Variants in ATP5PO observed in about 807,000 individuals in gnomAD.
ATP5PO encodes ATP synthase peripheral stalk subunit OSCP, also known as ATP synthase peripheral stalk subunit OSCP, mitochondrial.
ATP5PO carries 14 observed loss-of-function variants against 26.2 expected under a neutral mutation model. The observed-to-expected ratio is 0.53, with a 90% CI of 0.35 to 0.83. The LOEUF is 0.83. ATP5PO is among the 40% of genes least tolerant of loss of function. ATP5PO has a pLI of 0.01. For missense variants in ATP5PO, 241 were observed against 258.5 expected (o/e 0.93, Z 0.46); for synonymous variants, 106 against 95.1 (o/e 1.12, Z -0.67).
At chr21:33,905,648 C>G (rs1409881807) in intron 5 of ATP5PO, among the ~76,000 whole-genome samples, 1 of 152,146 alleles carries the variant, frequency 6.6e-6, no homozygotes, top group Non-Finnish European at 1.5e-5. Context: ...CACGGTGGCT[C>G]ACACCTGTGG....
chr21:33,909,225 A>T lies in ATP5PO; in HGVS notation c.199-14T>A. 2 of 1,605,072 alleles carry T rather than the reference A, an allele frequency of 1.2e-6. No individual in the cohort carries two copies. The highest frequency in any genetic ancestry group is 1.3e-5 in the African/African-American group (1 of 74,232). On this transcript the variant is annotated splice_polypyrimidine_tract_variant and intron_variant, in intron 3 of 6. Transcript: ENST00000290299. ...CTTCAGGATTTGCTGAAAGCATCAA[A>T]AAATAATTTCTTAAATTTTTTAGAG...
intron 4 of ATP5PO, chr21:33,908,841 T>A (rs191934200): frequency 2.5e-6 from 1 of 403,326 alleles, no homozygotes; most frequent in Non-Finnish European, 4.4e-6. Flanking sequence ...CTACTGACTA[T>A]ACAATTAGAC....
intron 4 of ATP5PO, among the ~76,000 whole-genome samples, chr21:33,908,609 T>C (rs1324796053): frequency 2.6e-5 from 4 of 152,136 alleles, no homozygotes; most frequent in Non-Finnish European, 1.5e-5. Flanking sequence ...CTAGGGAGGC[T>C]GAGGTGGGAG....
chr21:33,910,637 C>G (rs1278849192), intron 3 of ATP5PO, among the ~76,000 whole-genome samples: 1 of 152,162 alleles, frequency 6.6e-6, no homozygotes, highest in Non-Finnish European at 1.5e-5. Context: ...TGACAAGTAG[C>G]AGACAATAAC....
At position 33,905,918 on chromosome 21, in the gene ATP5PO, G is replaced by GAAAA. The variant is rs59334506; in HGVS notation, c.441+1419_441+1422dup. Among the ~76,000 whole-genome samples, 25 of 98,452 alleles carry GAAAA rather than the reference G, an allele frequency of 2.5e-4. 1 individual carries two copies. The highest frequency in any genetic ancestry group is 7.7e-4 in the South Asian group (2 of 2,592). The allele number at this position is 98,452 out of a possible 152,430, so 64.6% of individuals were successfully genotyped here. On this transcript the variant is annotated intron_variant, in intron 5 of 6. Transcript: ENST00000290299. ...CAGAGTGAGACTCAGTCTCAAAAAA[G>GAAAA]AAAAAAAAAAAAAAAAAAAAGAAAA...
At chr21:33,911,672 T>C (rs1987250309) in intron 3 of ATP5PO, among the ~76,000 whole-genome samples, 3 of 144,992 alleles carry the variant, frequency 2.1e-5, no homozygotes, top group African/African-American at 7.7e-5. Flanking sequence ...GTTTTTTTTT[T>C]TTTTTTTTTT....
At chr21:33,904,988 G>A (rs1049780953) in intron 5 of ATP5PO, among the ~76,000 whole-genome samples, 12 of 152,022 alleles carry the variant, frequency 7.9e-5, no homozygotes, top group African/African-American at 1.5e-4. Context: ...TGATCCACCC[G>A]CTGCAGTCTC....
rs761012577 is a variant in ATP5PO at position 33,909,228 on chromosome 21, A to G, written c.199-17T>C. On this transcript the variant is annotated splice_polypyrimidine_tract_variant and intron_variant, in intron 3 of 6. Coordinates refer to ENST00000290299, the MANE Select transcript of ATP5PO (RefSeq NM_001697.3). ...CAGGATTTGCTGAAAGCATCAAAAA[A>G]TAATTTCTTAAATTTTTTAGAGCAC... 6.2e-7 allele frequency: 1 copy of G among 1,604,534 alleles called. No homozygotes were observed. Among genetic ancestry groups the G allele is most frequent in the South Asian group, 1.1e-5 (1 of 90,198 alleles).
intron 6 of ATP5PO, 65 bp downstream of exon 6, chr21:33,903,870 T>C: frequency 7.0e-7 from 1 of 1,437,306 alleles, no homozygotes; most frequent in Non-Finnish European, 9.6e-7. Flanking sequence ...TCACTAGTAC[T>C]TTCTGTAGCC....
At position 33,915,765 on chromosome 21, in the gene ATP5PO, T is replaced by A; in HGVS notation, c.-2A>T. The A allele has an allele frequency of 1.9e-6, 3 of 1,571,692 alleles. No homozygotes were observed. The highest frequency in any genetic ancestry group is 2.6e-6 in the Non-Finnish European group (3 of 1,158,986). On this transcript the variant is annotated 5_prime_UTR_variant, in exon 1 of 7. It adds an upstream start codon to the 5' untranslated region. Transcript: ENST00000290299. Reference sequence around the variant, plus strand: ...CCCGGACACTGCTGGGGCAGCCATCTTCTCCCGGGCGGCTGTAGGTCAAAC... The same window carrying A: ...CCCGGACACTGCTGGGGCAGCCATCATCTCCCGGGCGGCTGTAGGTCAAAC...
chr21:33,910,436 G>A (rs1987232744), intron 3 of ATP5PO, among the ~76,000 whole-genome samples: 1 of 152,092 alleles, frequency 6.6e-6, no homozygotes, highest in Non-Finnish European at 1.5e-5. Flanking sequence ...AGGACAGTGC[G>A]TATCCTTGTA....
chr21:33,915,495 G>C, intron 1 of ATP5PO: 1 of 584,262 alleles, frequency 1.7e-6, no homozygotes. Context: ...TCCAGGGGCT[G>C]TGCTCGGAAG....
chr21:33,905,614 G>A lies in ATP5PO; in HGVS notation c.442-1593C>T, dbSNP rs144727093. Among the ~76,000 whole-genome samples, 243 of 152,150 alleles carry A rather than the reference G, an allele frequency of 1.6e-3. 1 individual carries two copies. Among genetic ancestry groups the A allele is most frequent in the African/African-American group, 5.5e-3 (229 of 41,554 alleles). On this transcript the variant is annotated intron_variant, in intron 5 of 6. Coordinates refer to ENST00000290299, the MANE Select transcript of ATP5PO (RefSeq NM_001697.3). ...TTGCAAAAACAAGCATCCTTTAAAA[G>A]AAAATCATGGCCTTGTGGCTGTGCA...
chr21:33,905,196 C>T (rs1235756734), intron 5 of ATP5PO, among the ~76,000 whole-genome samples: 1 of 152,050 alleles, frequency 6.6e-6, no homozygotes, highest in East Asian at 1.9e-4. Flanking sequence ...AGAATCTATT[C>T]GTGTTCAAAA....
At chr21:33,912,686 A>G (rs528866953) in intron 2 of ATP5PO, among the ~76,000 whole-genome samples, 2 of 152,250 alleles carry the variant, frequency 1.3e-5, no homozygotes, top group East Asian at 1.9e-4. Flanking sequence ...ACCTTTATCA[A>G]TTACTTGTAC....
At chr21:33,904,998 C>A (rs1987150328) in intron 5 of ATP5PO, among the ~76,000 whole-genome samples, 1 of 152,108 alleles carries the variant, frequency 6.6e-6, no homozygotes, top group Non-Finnish European at 1.5e-5. Flanking sequence ...GCTGCAGTCT[C>A]CCAAAATGCT....
chr21:33,906,851 TG>T, intron 5 of ATP5PO: 1 of 444,128 alleles, frequency 2.3e-6, no homozygotes, highest in Admixed American at 2.4e-5. Context: ...ATTAGCCGGG[TG>T]TGGTGGGGGT....
At chr21:33,904,097 C>T (rs1274589268) in intron 5 of ATP5PO, 76 bp from the exon 6 acceptor site, 6 of 1,320,760 alleles carry the variant, frequency 4.5e-6, no homozygotes, top group South Asian at 3.9e-5. Flanking sequence ...CCCAGGCCCA[C>T]ATCACCAAGA....
At position 33,906,883 on chromosome 21, in the gene ATP5PO, C is replaced by G. The variant is rs1427581375; in HGVS notation, c.441+458G>C. On this transcript the variant is annotated intron_variant, in intron 5 of 6. Transcript: ENST00000290299. ...GGGGTGCACTGTAATCCCAGCTACTCAGGAAGCTGAGGCAGGAGGATCACC... is the reference window on the plus strand; with the variant it reads ...GGGGTGCACTGTAATCCCAGCTACTGAGGAAGCTGAGGCAGGAGGATCACC... 3 of 409,924 alleles carry G rather than the reference C, an allele frequency of 7.3e-6. No homozygotes were observed. In the Admixed American group the frequency reaches 7.9e-5, roughly 11 times the overall value. 25.4% of individuals were successfully genotyped at this position (409,924 alleles called of 1,614,324 possible). A position where few individuals can be genotyped will look rare whatever the true frequency, so the allele number is the denominator to read the frequency against.
Sources: allele counts gnomAD v4.1 joint callset (sites outside exome capture counted in the v4.1 genomes callset), GRCh38; gene constraint gnomAD v4.1.1; transcripts MANE v1.5; gene names NCBI Gene and HGNC (gene_info 2026-07-23, HGNC 2026-07-21).